The following BMPR1B variants were observed in gnomAD, a reference collection of about 807,000 sequenced individuals.
The protein encoded by BMPR1B is bone morphogenetic protein receptor type 1B, also known as bone morphogenetic protein receptor type-1B.
Under a neutral mutation model 59.1 loss-of-function variants are expected in BMPR1B, and 12 were observed. The ratio of observed to expected loss-of-function variants is 0.20; its 90% CI spans 0.13 to 0.33. BMPR1B has a LOEUF of 0.33. Among genes scored for constraint, BMPR1B ranks in the 10% least tolerant of loss-of-function variants. The pLI, the probability that BMPR1B is intolerant of heterozygous loss-of-function variation, is 1.00. For missense variants in BMPR1B, 550 were observed against 610.9 expected, an observed-to-expected ratio of 0.90 and a Z score of 1.05; for synonymous variants, 237 against 207.3, an observed-to-expected ratio of 1.14 and a Z score of -1.23.
intron 3 of BMPR1B, among the ~76,000 whole-genome samples, chr4:95,061,796 A>G (rs1476085930): frequency 2.0e-5 from 3 of 152,020 alleles, no homozygotes; most frequent in Non-Finnish European, 4.4e-5. Flanking sequence ...TTGCCACATG[A>G]TATGTTTGGA....
chr4:94,902,651 C>T (rs1259242741), intron 2 of BMPR1B, among the ~76,000 whole-genome samples: 1 of 151,846 alleles, frequency 6.6e-6, no homozygotes, highest in Non-Finnish European at 1.5e-5. Flanking sequence ...CTGTTCTATA[C>T]AAAGTAGAAT....
intron 2 of BMPR1B, among the ~76,000 whole-genome samples, chr4:94,944,609 C>G (rs930041485): frequency 1.3e-5 from 2 of 152,114 alleles, no homozygotes; most frequent in Non-Finnish European, 2.9e-5. Context: ...TTGCAAAGCT[C>G]TGTGGTTCAT....
intron 1 of BMPR1B, among the ~76,000 whole-genome samples, chr4:94,842,351 A>G (rs1725121748): frequency 1.3e-5 from 2 of 151,366 alleles, no homozygotes; most frequent in Admixed American, 1.3e-4. Flanking sequence ...ACTAACACAT[A>G]TGTGATGTGT....
chr4:94,964,508 TAACTC>T (rs965715451), intron 2 of BMPR1B, among the ~76,000 whole-genome samples: 8 of 152,176 alleles, frequency 5.3e-5, no homozygotes. Flanking sequence ...CCATAGCACA[TAACTC>T]AACAATGTTG....
At chr4:94,842,066 A>T (rs916270398) in intron 1 of BMPR1B, among the ~76,000 whole-genome samples, 10 of 152,170 alleles carry the variant, frequency 6.6e-5, no homozygotes, top group African/African-American at 2.2e-4. Flanking sequence ...TACAGATGGG[A>T]AGGGAGAGTG....
intron 3 of BMPR1B, among the ~76,000 whole-genome samples, chr4:95,012,175 A>G (rs1168922177): frequency 6.6e-6 from 1 of 152,218 alleles, no homozygotes; most frequent in Non-Finnish European, 1.5e-5. Context: ...CTCTTTAATC[A>G]TAAATACAAT....
chr4:95,023,946 A>G (rs1724174278), intron 3 of BMPR1B, among the ~76,000 whole-genome samples: 1 of 152,216 alleles, frequency 6.6e-6, no homozygotes, highest in African/African-American at 2.4e-5. Flanking sequence ...TATAGCAAGA[A>G]CGGATGCTTG....
chr4:94,877,200 T>TG (rs1192301749), intron 2 of BMPR1B, among the ~76,000 whole-genome samples: 1 of 152,152 alleles, frequency 6.6e-6, no homozygotes, highest in African/African-American at 2.4e-5. Context: ...GAGAGATGGT[T>TG]GGGGAGTAAG....
chr4:94,983,736 T>TC (rs1721238177), intron 2 of BMPR1B, among the ~76,000 whole-genome samples: 1 of 152,188 alleles, frequency 6.6e-6, no homozygotes, highest in Non-Finnish European at 1.5e-5. Context: ...AAGTATCACC[T>TC]CCCCCTCCAC....
rs371489232 is a variant in BMPR1B at position 95,084,773 on chromosome 4, T to A, written c.-17-19635T>A. ...GTTTGTCTAAGTCTTTTCCATAATCTAATTCATTCACTCAGTATTACCTTA... is the reference window on the plus strand; with the variant it reads ...GTTTGTCTAAGTCTTTTCCATAATCAAATTCATTCACTCAGTATTACCTTA... On this transcript the variant is annotated intron_variant, in intron 3 of 12. Transcript: ENST00000515059. Among the ~76,000 whole-genome samples, 23 of 152,346 alleles carry A rather than the reference T, an allele frequency of 1.5e-4. No homozygotes were observed. In the East Asian group the frequency reaches 4.2e-3, roughly 28 times the overall value.
intron 1 of BMPR1B, among the ~76,000 whole-genome samples, chr4:94,871,272 G>A (rs1283485691): frequency 1.3e-5 from 2 of 152,154 alleles, no homozygotes; most frequent in Non-Finnish European, 2.9e-5. Context: ...GATTAAATAA[G>A]CTAATGCGTA....
chr4:94,891,270 G>C (rs1165279125), intron 2 of BMPR1B, among the ~76,000 whole-genome samples: 3 of 151,930 alleles, frequency 2.0e-5, no homozygotes, highest in African/African-American at 4.8e-5. Flanking sequence ...AATAAAACTT[G>C]GTTCTATGAA....
intron 3 of BMPR1B, 137 bp from the exon 4 acceptor site, chr4:95,104,271 A>C: frequency 4.8e-6 from 5 of 1,045,046 alleles, no homozygotes; most frequent in South Asian, 3.2e-5. Flanking sequence ...CAAAATACCA[A>C]AATGTCTGTT....
At chr4:94,977,547 C>T (rs1410476391) in intron 2 of BMPR1B, among the ~76,000 whole-genome samples, 1 of 148,460 alleles carries the variant, frequency 6.7e-6, no homozygotes, top group Admixed American at 6.7e-5. Flanking sequence ...ACTCATCTAT[C>T]TCTGTCCATG....
chr4:94,804,001 C>T (rs1723509534), intron 1 of BMPR1B, among the ~76,000 whole-genome samples: 1 of 152,096 alleles, frequency 6.6e-6, no homozygotes, highest in Admixed American at 6.5e-5. Flanking sequence ...GCCTCAGCCT[C>T]CCGAGTAGCT....
intron 1 of BMPR1B, among the ~76,000 whole-genome samples, chr4:94,793,875 T>C (rs1322537394): frequency 1.3e-5 from 2 of 151,062 alleles, no homozygotes; most frequent in African/African-American, 4.9e-5. Context: ...GTTTGTTTTT[T>C]TCTTGTAAAT....
At chr4:95,141,642 G>C (rs1005712311) in intron 10 of BMPR1B, among the ~76,000 whole-genome samples, 2 of 152,178 alleles carry the variant, frequency 1.3e-5, no homozygotes, top group Non-Finnish European at 2.9e-5. Flanking sequence ...TCTCTATTGG[G>C]AGGAGAAAAC....
At chr4:94,785,342 G>A (rs1365610304) in intron 1 of BMPR1B, among the ~76,000 whole-genome samples, 2 of 152,182 alleles carry the variant, frequency 1.3e-5, no homozygotes, top group East Asian at 3.9e-4. Context: ...TATGTACTTA[G>A]GATGGGGTTA....
chr4:94,951,371 C>T (rs987569189), intron 2 of BMPR1B, among the ~76,000 whole-genome samples: 2 of 152,194 alleles, frequency 1.3e-5, no homozygotes, highest in Non-Finnish European at 2.9e-5. Flanking sequence ...AGGAATGCTT[C>T]CAGCTTTTGC....
Sources: allele counts gnomAD v4.1 joint callset (sites outside exome capture counted in the v4.1 genomes callset), GRCh38; gene constraint gnomAD v4.1.1; transcripts MANE v1.5; gene names NCBI Gene and HGNC (gene_info 2026-07-23, HGNC 2026-07-21).